Variants in PWWP2B observed in about 807,000 individuals in gnomAD.
PWWP2B encodes PWWP domain-containing protein 2B.
PWWP2B carries 9 observed loss-of-function variants against 15.5 expected under a neutral mutation model. That is an observed-to-expected ratio of 0.58 (90% CI 0.35 to 1.02). PWWP2B has a LOEUF of 1.02. Among genes scored for constraint, PWWP2B ranks in the 50% least tolerant of loss-of-function variants. PWWP2B has a pLI of 0.02. For missense variants in PWWP2B, 864 were observed against 865.3 expected (o/e 1.00, Z 0.02); for synonymous variants, 474 against 403.6 (o/e 1.17, Z -2.09).
chr10:132,401,960 C>G (rs1262840932), intron 1 of PWWP2B, among the ~76,000 whole-genome samples: 1 of 152,230 alleles, frequency 6.6e-6, no homozygotes, highest in African/African-American at 2.4e-5. Flanking sequence ...TGTTTACCCA[C>G]CAGTGCGCTG....
At chr10:132,401,764 A>G (rs944574445) in intron 1 of PWWP2B, among the ~76,000 whole-genome samples, 1 of 152,232 alleles carries the variant, frequency 6.6e-6, no homozygotes, top group Non-Finnish European at 1.5e-5. Context: ...GCTCGGCCTC[A>G]CTGGCCAATC....
chr10:132,415,463 GCACTCTCACATTCACTCAAACA>G (rs2069836263), intron 2 of PWWP2B, among the ~76,000 whole-genome samples: 1 of 109,326 alleles, frequency 9.1e-6, no homozygotes, highest in Non-Finnish European at 1.9e-5. Context: ...ACTCACACAC[GCACTCTCACATTCACTCAAACA>G]CACCCACTCA....
intron 2 of PWWP2B, among the ~76,000 whole-genome samples, chr10:132,406,977 G>A (rs1290910700): frequency 3.9e-5 from 6 of 152,140 alleles, no homozygotes; most frequent in African/African-American, 1.2e-4. Flanking sequence ...TCTCACTGTC[G>A]GCCTCTACTA....
chr10:132,399,730 G>T (rs59319016), intron 1 of PWWP2B, among the ~76,000 whole-genome samples: 9,363 of 152,330 alleles, frequency 0.061, 958 homozygotes, highest in African/African-American at 0.21. Context: ...CCAGAGCATC[G>T]ATGACACAAG....
intron 1 of PWWP2B, among the ~76,000 whole-genome samples, chr10:132,397,636 A>G (rs922002549): frequency 2.6e-5 from 4 of 151,578 alleles, no homozygotes; most frequent in Non-Finnish European, 5.9e-5. Flanking sequence ...CATCTGCCAT[A>G]ATTAATGCAC....
intron 2 of PWWP2B, among the ~76,000 whole-genome samples, chr10:132,407,639 C>T (rs2069717429): frequency 6.6e-6 from 1 of 152,212 alleles, no homozygotes; most frequent in Non-Finnish European, 1.5e-5. Context: ...CTCACCCCCT[C>T]CCTCCAGCCA....
At chr10:132,413,138 TCAA>T (rs1000750152) in intron 2 of PWWP2B, among the ~76,000 whole-genome samples, 42 of 152,370 alleles carry the variant, frequency 2.8e-4, no homozygotes, top group African/African-American at 9.9e-4. Context: ...ACCTTTGCAG[TCAA>T]CACAGCTAGG....
At chr10:132,411,437 C>T (rs1344253162) in intron 2 of PWWP2B, among the ~76,000 whole-genome samples, 7 of 152,266 alleles carry the variant, frequency 4.6e-5, no homozygotes, top group Non-Finnish European at 1.0e-4. Context: ...ACATCCCCAG[C>T]GGTTGTGTGG....
chr10:132,408,802 C>T (rs1484924603), intron 2 of PWWP2B, among the ~76,000 whole-genome samples: 7 of 152,224 alleles, frequency 4.6e-5, no homozygotes, highest in East Asian at 3.9e-4. Flanking sequence ...CAGCTTGCTG[C>T]GGGGCTGGAG....
intron 2 of PWWP2B, among the ~76,000 whole-genome samples, chr10:132,416,120 T>A (rs761590192): frequency 1.3e-5 from 2 of 152,020 alleles, no homozygotes; most frequent in African/African-American, 2.4e-5. Context: ...GGCAGTGGCC[T>A]CTCCGCGGGG....
chr10:132,414,220 A>G (rs1175151612), intron 2 of PWWP2B, among the ~76,000 whole-genome samples: 3 of 152,208 alleles, frequency 2.0e-5, no homozygotes, highest in Non-Finnish European at 2.9e-5. Context: ...GTCTCCTCCC[A>G]AGGCCCGTTA....
chr10:132,397,247 C>G lies in PWWP2B; in HGVS notation c.21C>G (p.Cys7Trp). ...GGAGCATGGAGCCGCGCGCCGGCTG[C>G]CGGCTGCCGGTGCGGGTGGAGCAGG... MEPRAGCRLPVRVEQVV... is the reference protein window; with the variant it reads MEPRAGWRLPVRVEQVV... Residue 7 changes from cysteine to tryptophan, a missense_variant, in exon 1 of 3, where the codon TGC (cysteine) becomes TGG (tryptophan). By Grantham distance (215) the Cys-to-Trp change is radical. Coordinates refer to ENST00000305233, the MANE Select transcript of PWWP2B (RefSeq NM_138499.4). 1.6e-6 allele frequency: 2 copies of G among 1,271,524 alleles called. No individual in the cohort carries two copies. The highest frequency in any genetic ancestry group is 2.0e-6 in the Non-Finnish European group (2 of 1,000,596). 78.8% of individuals were successfully genotyped at this position (1,271,524 alleles called of 1,614,324 possible).
intron 1 of PWWP2B, among the ~76,000 whole-genome samples, chr10:132,401,483 A>G (rs930817977): frequency 6.6e-6 from 1 of 151,690 alleles, no homozygotes; most frequent in Non-Finnish European, 1.5e-5. Flanking sequence ...TGGACCCAGC[A>G]GGCCCATCTA....
intron 2 of PWWP2B, among the ~76,000 whole-genome samples, chr10:132,412,866 G>A (rs765002043): frequency 3.3e-5 from 5 of 152,202 alleles, no homozygotes; most frequent in Admixed American, 6.5e-5. Context: ...TCGTGAAAGC[G>A]CACATGTTTG....
At chr10:132,399,699 C>G (rs1320920372) in intron 1 of PWWP2B, among the ~76,000 whole-genome samples, 1 of 152,276 alleles carries the variant, frequency 6.6e-6, no homozygotes, top group East Asian at 1.9e-4. Context: ...CCAGTCTGGG[C>G]CAATGTGGTG....
chr10:132,408,952 A>G (rs1232345941), intron 2 of PWWP2B, among the ~76,000 whole-genome samples: 1 of 152,198 alleles, frequency 6.6e-6, no homozygotes, highest in Admixed American at 6.5e-5. Flanking sequence ...GCCAGGACGC[A>G]TGGCTGTGAC....
At chr10:132,415,203 C>T (rs923050888) in intron 2 of PWWP2B, among the ~76,000 whole-genome samples, 2 of 151,966 alleles carry the variant, frequency 1.3e-5, no homozygotes, top group African/African-American at 4.8e-5. Context: ...CACACATCCA[C>T]ATCCACTCTC....
At chr10:132,407,344 C>T (rs1472172915) in intron 2 of PWWP2B, among the ~76,000 whole-genome samples, 4 of 152,162 alleles carry the variant, frequency 2.6e-5, no homozygotes, top group Non-Finnish European at 5.9e-5. Flanking sequence ...TGCAGAGATT[C>T]CAGGGCCAGG....
chr10:132,413,161 T>C (rs2069803903), intron 2 of PWWP2B, among the ~76,000 whole-genome samples: 1 of 152,266 alleles, frequency 6.6e-6, no homozygotes, highest in African/African-American at 2.4e-5. Context: ...GATTCACTTT[T>C]GTGTCTGATG....
Sources: allele counts gnomAD v4.1 joint callset (sites outside exome capture counted in the v4.1 genomes callset), GRCh38; gene constraint gnomAD v4.1.1; transcripts MANE v1.5; gene names NCBI Gene and HGNC (gene_info 2026-07-23, HGNC 2026-07-21).